The following SRRM4 variants were observed in gnomAD, a reference collection of about 807,000 sequenced individuals.
The protein encoded by SRRM4 is serine/arginine repetitive matrix protein 4.
SRRM4 carries 33 observed loss-of-function variants against 68.9 expected under a neutral mutation model. That is an observed-to-expected ratio of 0.48 (90% CI 0.36 to 0.64). The LOEUF (loss-of-function observed/expected upper bound fraction) is 0.64. SRRM4 is among the 30% of genes least tolerant of loss of function. The pLI is 0.00. For missense variants in SRRM4, 817 were observed against 827.1 expected (o/e 0.99, Z 0.15); for synonymous variants, 318 against 318.8 (o/e 1.00, Z 0.03).
chr12:119,088,054 C>A (rs1021478579), intron 1 of SRRM4, among the ~76,000 whole-genome samples: 3 of 152,166 alleles, frequency 2.0e-5, no homozygotes, highest in African/African-American at 7.2e-5. Flanking sequence ...TACTCTGACA[C>A]AATGAGCTGG....
At chr12:119,143,360 C>T (rs1001304406) in intron 8 of SRRM4, among the ~76,000 whole-genome samples, 3 of 152,100 alleles carry the variant, frequency 2.0e-5, no homozygotes, top group Non-Finnish European at 4.4e-5. Context: ...GTGAAAGCTG[C>T]CCTAACATTT....
At chr12:119,120,117 A>G in intron 4 of SRRM4, 133 bp from the exon 5 acceptor site, 2 of 534,514 alleles carry the variant, frequency 3.7e-6, no homozygotes, top group South Asian at 4.6e-5. Flanking sequence ...CCCTTCCTTC[A>G]CCATCCCTCC....
At chr12:119,029,643 T>C (rs1953574005) in intron 1 of SRRM4, among the ~76,000 whole-genome samples, 1 of 152,238 alleles carries the variant, frequency 6.6e-6, no homozygotes, top group African/African-American at 2.4e-5. Flanking sequence ...GAAGTTGAAG[T>C]ATTTTAAGAC....
intron 2 of SRRM4, among the ~76,000 whole-genome samples, chr12:119,108,013 T>A (rs961220016): frequency 6.6e-6 from 1 of 152,246 alleles, no homozygotes; most frequent in Non-Finnish European, 1.5e-5. Flanking sequence ...CAGTATGTTG[T>A]GTCTTTGTTC....
At chr12:119,014,965 G>A (rs779978313) in intron 1 of SRRM4, among the ~76,000 whole-genome samples, 36 of 152,200 alleles carry the variant, frequency 2.4e-4, no homozygotes. Context: ...TGGCAGCATT[G>A]CTGTAATTGT....
intron 1 of SRRM4, among the ~76,000 whole-genome samples, chr12:119,042,332 G>A (rs534795792): frequency 2.6e-5 from 4 of 151,926 alleles, no homozygotes; most frequent in Admixed American, 6.6e-5. Flanking sequence ...AAGAAAAAGC[G>A]GAGAAAGAAG....
chr12:119,154,392 AG>A lies in SRRM4; in HGVS notation c.1532+14del. ...GCCCGGAGGATAACCAGGTGAGGCC[AG>A]GGGGCAAGGGGGACCCACCTTCATC... is the stretch of plus-strand genomic sequence containing the variant. On this transcript the variant is annotated intron_variant, in intron 12 of 12. Transcript: ENST00000267260. The surrounding 1 kb of genome is among the most constrained non-coding windows in gnomAD (Gnocchi z 4.7). The A allele has an allele frequency of 6.2e-7, 1 of 1,611,370 alleles. No individual in the cohort carries two copies. The highest frequency in any genetic ancestry group is 1.1e-5 in the South Asian group (1 of 90,596).
At chr12:119,040,164 A>G (rs1953657214) in intron 1 of SRRM4, among the ~76,000 whole-genome samples, 2 of 152,064 alleles carry the variant, frequency 1.3e-5, no homozygotes, top group African/African-American at 4.8e-5. Flanking sequence ...TAAGAACAAT[A>G]ATAATAATAG....
At chr12:119,139,716 C>T (rs1452335578) in intron 8 of SRRM4, among the ~76,000 whole-genome samples, 1 of 152,146 alleles carries the variant, frequency 6.6e-6, no homozygotes. Context: ...GCATGGAGAG[C>T]AACTGGCAGA....
chr12:119,048,444 C>T (rs953263603), intron 1 of SRRM4, among the ~76,000 whole-genome samples: 16 of 152,154 alleles, frequency 1.1e-4, no homozygotes, highest in Admixed American at 3.9e-4. Context: ...GAATTGTGAG[C>T]TCTGGGAGAT....
At chr12:119,100,793 A>G (rs1592898093) in intron 1 of SRRM4, among the ~76,000 whole-genome samples, 1 of 152,368 alleles carries the variant, frequency 6.6e-6, no homozygotes, top group Non-Finnish European at 1.5e-5. Flanking sequence ...ATAAATGGGC[A>G]GAAGTAAAGA....
At chr12:119,142,420 G>A (rs1954370960) in intron 8 of SRRM4, among the ~76,000 whole-genome samples, 1 of 152,190 alleles carries the variant, frequency 6.6e-6, no homozygotes. Flanking sequence ...ATCCCTGTGA[G>A]CTCAGAGTGT....
intron 1 of SRRM4, among the ~76,000 whole-genome samples, chr12:118,986,253 G>A (rs1953281306): frequency 6.6e-6 from 1 of 152,208 alleles, no homozygotes; most frequent in East Asian, 1.9e-4. Flanking sequence ...GTGGTTAAGA[G>A]CCAATGCGCT....
chr12:119,087,579 T>C (rs1953987140), intron 1 of SRRM4, among the ~76,000 whole-genome samples: 1 of 151,466 alleles, frequency 6.6e-6, no homozygotes, highest in East Asian at 2.0e-4. Flanking sequence ...TATTGGTCGA[T>C]GGGGTGTTTT....
intron 1 of SRRM4, among the ~76,000 whole-genome samples, chr12:119,005,126 AAGG>A (rs1953408285): frequency 1.3e-5 from 2 of 152,240 alleles, no homozygotes; most frequent in African/African-American, 4.8e-5. Context: ...CTCTGGGGGA[AAGG>A]AGGAGAAGGG....
chr12:119,026,796 CAA>C (rs1953551683), intron 1 of SRRM4, among the ~76,000 whole-genome samples: 2 of 152,038 alleles, frequency 1.3e-5, no homozygotes, highest in Admixed American at 1.3e-4. Context: ...CTCAGCCTCC[CAA>C]AGTGCTGGGA....
At chr12:119,133,180 A>G (rs1462943475) in intron 8 of SRRM4, 1 of 152,224 alleles carries the variant, frequency 6.6e-6, no homozygotes, top group Non-Finnish European at 1.5e-5. Flanking sequence ...ACCTCATAAG[A>G]TTGTTATGAG....
rs114419460 is a variant in SRRM4, at chr12:119,085,770, G to A, written c.132-16466G>A. Reference sequence around the variant, plus strand: ...TGGAGGCTGCTGCAGTTGTCTGGGTGAGAGACGGTGGTGGCTTGGACCAGG... The same window carrying A: ...TGGAGGCTGCTGCAGTTGTCTGGGTAAGAGACGGTGGTGGCTTGGACCAGG... On this transcript the variant is annotated intron_variant, in intron 1 of 12. Coordinates refer to ENST00000267260, the MANE Select transcript of SRRM4 (RefSeq NM_194286.4). Among the ~76,000 whole-genome samples, 1,444 of 152,298 alleles carry A rather than the reference G, an allele frequency of 9.5e-3. 24 individuals carry two copies. Among genetic ancestry groups the A allele is most frequent in the African/African-American group, 0.032 (1,348 of 41,554 alleles).
intron 1 of SRRM4, among the ~76,000 whole-genome samples, chr12:119,033,415 C>T (rs1047745659): frequency 1.3e-5 from 2 of 152,116 alleles, no homozygotes; most frequent in African/African-American, 4.8e-5. Flanking sequence ...CCTGTAATCC[C>T]AGCACTTAGG....
Sources: gnomAD v4.1 joint callset for allele counts (sites outside exome capture counted in the v4.1 genomes callset) on GRCh38, gnomAD v4.1.1 for gene constraint, Gnocchi (gnomAD v3.1) non-coding constraint, MANE v1.5 for transcripts, NCBI Gene and HGNC (gene_info 2026-07-23, HGNC 2026-07-21) for gene names.